The following LARGE1 variants were observed in gnomAD, a reference collection of about 807,000 sequenced individuals.
LARGE1 encodes xylosyl- and glucuronyltransferase LARGE1.
In LARGE1, 43 loss-of-function variants were observed where a neutral mutation model predicts 87.6. The observed-to-expected ratio is 0.49, with a 90% CI of 0.38 to 0.63. LARGE1 has a LOEUF of 0.63. Among genes scored for constraint, LARGE1 ranks in the 30% least tolerant of loss-of-function variants. LARGE1 has a pLI of 0.00. For synonymous variants in LARGE1, 434 were observed against 394.6 expected, an observed-to-expected ratio of 1.10 and a Z score of -1.18; for missense variants, 802 against 1,000.2, an observed-to-expected ratio of 0.80 and a Z score of 2.67.
At chr22:33,318,746 T>G (rs1000472310) in intron 10 of LARGE1, among the ~76,000 whole-genome samples, 9 of 151,138 alleles carry the variant, frequency 6.0e-5, no homozygotes, top group Non-Finnish European at 1.2e-4. Flanking sequence ...TTAAAGTATA[T>G]TAAAAAAAAA....
At position 33,563,339 on chromosome 22, in the gene LARGE1, G is replaced by C. The variant is rs150602230; in HGVS notation, c.787+1509C>G. ...ACCTTCTCTAACCCCCTCTAGGAGA[G>C]GTGACAACTCTCACTGTCCCCTCAT... On this transcript the variant is annotated intron_variant, in intron 6 of 14. Coordinates refer to ENST00000397394, the MANE Select transcript of LARGE1 (RefSeq NM_133642.5). 1.8e-3 allele frequency: 271 copies of C among 152,342 alleles called. 3 individuals are homozygous for C. Among genetic ancestry groups the C allele is most frequent in the African/African-American group, 6.4e-3 (265 of 41,562 alleles). 9.4% of individuals were successfully genotyped at this position (152,342 alleles called of 1,614,324 possible).
intron 11 of LARGE1, among the ~76,000 whole-genome samples, chr22:33,237,334 T>C (rs1299190301): frequency 6.6e-6 from 1 of 152,182 alleles, no homozygotes; most frequent in Non-Finnish European, 1.5e-5. Context: ...AAATGTAAAA[T>C]TAGTCCAAGA....
At chr22:33,565,534 T>A (rs1384369214) in intron 5 of LARGE1, among the ~76,000 whole-genome samples, 1 of 150,062 alleles carries the variant, frequency 6.7e-6, no homozygotes, top group East Asian at 1.9e-4. Context: ...AGATTACTAC[T>A]GCTGCCTTCT....
chr22:33,527,694 T>C (rs1026300453), intron 6 of LARGE1, among the ~76,000 whole-genome samples: 4 of 152,008 alleles, frequency 2.6e-5, no homozygotes, highest in Non-Finnish European at 4.4e-5. Flanking sequence ...GTGGAACCCA[T>C]TAAAGGAAGG....
Position 33,275,713 on chromosome 22 carries a change from G to GA in LARGE1, c.2074-1090dup, listed in dbSNP as rs1231952772. Among the ~76,000 whole-genome samples the GA allele has an allele frequency of 2.6e-5, 4 of 151,608 alleles. No homozygotes were observed. In the East Asian group the frequency reaches 5.8e-4, roughly 22 times the overall value. ...ATGTCTGGGACATGCTATTCGCAAA[G>GA]AAAAAAAAGAAAATATGCAACGTAT... is the stretch of plus-strand genomic sequence containing the variant. On this transcript the variant is annotated intron_variant, in intron 14 of 14. Transcript: ENST00000397394.
At chr22:33,537,080 G>A (rs1425602136) in intron 6 of LARGE1, among the ~76,000 whole-genome samples, 1 of 152,216 alleles carries the variant, frequency 6.6e-6, no homozygotes, top group Non-Finnish European at 1.5e-5. Context: ...CAAAGGGCTG[G>A]GATTACAGGC....
At chr22:33,920,868 C>G (rs976742891), upstream of LARGE1, among the ~76,000 whole-genome samples, 9 of 145,778 alleles carry the variant, frequency 6.2e-5, no homozygotes, top group Non-Finnish European at 1.2e-4. Flanking sequence ...AGCCGGCGCG[C>G]GATCCCCGCC....
intron 9 of LARGE1, among the ~76,000 whole-genome samples, chr22:33,344,297 A>G (rs1320525628): frequency 6.6e-6 from 1 of 152,172 alleles, no homozygotes; most frequent in African/African-American, 2.4e-5. Context: ...ATGAGCACTG[A>G]TTTTGTGCCA....
At chr22:33,865,712 G>A (rs939436503) in intron 1 of LARGE1, among the ~76,000 whole-genome samples, 3 of 151,822 alleles carry the variant, frequency 2.0e-5, no homozygotes, top group Admixed American at 6.6e-5. Flanking sequence ...AAAATCTTGA[G>A]AGTAAAGGAG....
In LARGE1 at chr22:33,843,390, T is replaced by C. The variant is rs1252862148; in HGVS notation, c.-83+76605A>G. Among the ~76,000 whole-genome samples, 4 of 150,500 alleles carry C rather than the reference T, an allele frequency of 2.7e-5. No individual in the cohort carries two copies. The East Asian group carries it at 5.9e-4, about 22-fold the overall frequency. ...AGACAGAGTTTGCAGTGAGACGAGA[T>C]TGCACCACTGCACTCTAGCCTGAGG... On this transcript the variant is annotated intron_variant, in intron 1 of 14. Coordinates refer to ENST00000397394, the MANE Select transcript of LARGE1 (RefSeq NM_133642.5).
chr22:33,175,022 A>G (rs1334827581), intron 11 of LARGE1, among the ~76,000 whole-genome samples: 1 of 152,220 alleles, frequency 6.6e-6, no homozygotes, highest in Non-Finnish European at 1.5e-5. Flanking sequence ...TGGCAGAGAC[A>G]CAACAAAAAA....
intron 2 of LARGE1, among the ~76,000 whole-genome samples, chr22:33,729,085 A>G (rs1423613268): frequency 6.6e-6 from 1 of 152,220 alleles, no homozygotes; most frequent in East Asian, 1.9e-4. Flanking sequence ...TGATGAACTG[A>G]CGATGATATA....
intron 3 of LARGE1, among the ~76,000 whole-genome samples, chr22:33,647,337 A>G (rs1234347630): frequency 6.6e-6 from 1 of 152,236 alleles, no homozygotes; most frequent in Non-Finnish European, 1.5e-5. Context: ...AGCTAAGGGT[A>G]TCCCTGTAAC....
At chr22:33,419,123 G>A (rs1325406195) in intron 7 of LARGE1, among the ~76,000 whole-genome samples, 1 of 152,074 alleles carries the variant, frequency 6.6e-6, no homozygotes, top group African/African-American at 2.4e-5. Flanking sequence ...AAGCAGGCAC[G>A]TCTTACATGG....
At chr22:33,395,646 A>G (rs1005027378) in intron 7 of LARGE1, among the ~76,000 whole-genome samples, 4 of 152,198 alleles carry the variant, frequency 2.6e-5, no homozygotes, top group South Asian at 2.1e-4. Context: ...GGGTTGGTCA[A>G]TTCAGACCAC....
At chr22:33,696,259 CTTTCTTT>C (rs1364750643) in intron 2 of LARGE1, among the ~76,000 whole-genome samples, 10 of 121,678 alleles carry the variant, frequency 8.2e-5, no homozygotes, top group South Asian at 2.5e-4. Context: ...TTCTTTCTTT[CTTTCTTT>C]TTTTTTTTTT....
intron 2 of LARGE1, among the ~76,000 whole-genome samples, chr22:33,721,645 G>T (rs1053409527): frequency 1.3e-5 from 2 of 152,140 alleles, no homozygotes; most frequent in Non-Finnish European, 2.9e-5. Context: ...ATTTGCCAAA[G>T]AATCAGAGCA....
chr22:33,631,696 T>A (rs1372390768), intron 3 of LARGE1, among the ~76,000 whole-genome samples: 1 of 152,150 alleles, frequency 6.6e-6, no homozygotes, highest in Non-Finnish European at 1.5e-5. Flanking sequence ...AAAAAATAAG[T>A]AGAAGGAATA....
chr22:33,230,981 G>T, intron 11 of LARGE1, among the ~76,000 whole-genome samples: 1 of 152,088 alleles, frequency 6.6e-6, no homozygotes, highest in Admixed American at 6.6e-5. Context: ...AATTGTCCCA[G>T]AATTAACCCT....
Sources: gnomAD v4.1 joint callset for allele counts (sites outside exome capture counted in the v4.1 genomes callset) on GRCh38, gnomAD v4.1.1 for gene constraint, MANE v1.5 for transcripts, NCBI Gene and HGNC (gene_info 2026-07-23, HGNC 2026-07-21) for gene names.